PDE10A: variants seen among roughly 807,000 people sequenced by gnomAD.
The protein encoded by PDE10A is phosphodiesterase 10A.
In PDE10A, 39 loss-of-function variants were observed where a neutral mutation model predicts 97.7. The observed-to-expected ratio is 0.40, with a 90% CI of 0.31 to 0.52. The LOEUF is 0.52. Among genes scored for constraint, PDE10A ranks in the 20% least tolerant of loss-of-function variants. The pLI is 0.56. For synonymous variants in PDE10A, 371 were observed against 376.8 expected, an observed-to-expected ratio of 0.98 and a Z score of 0.18; for missense variants, 731 against 1,047.8, an observed-to-expected ratio of 0.70 and a Z score of 4.17.
intron 19 of PDE10A, among the ~76,000 whole-genome samples, chr6:165,341,301 C>T (rs1781953921): frequency 6.6e-6 from 1 of 152,148 alleles, no homozygotes; most frequent in East Asian, 1.9e-4. Flanking sequence ...AAAGGAAAAA[C>T]ATCTCCATTA....
At chr6:165,689,247 C>T (rs1007149199) in intron 1 of PDE10A, among the ~76,000 whole-genome samples, 1 of 152,178 alleles carries the variant, frequency 6.6e-6, no homozygotes, top group African/African-American at 2.4e-5. Flanking sequence ...GTGGATAAAA[C>T]GACACTAACT....
At chr6:165,559,792 G>C (rs1024648302) in intron 1 of PDE10A, among the ~76,000 whole-genome samples, 2 of 152,138 alleles carry the variant, frequency 1.3e-5, no homozygotes, top group Non-Finnish European at 2.9e-5. Context: ...TACTGTTCTC[G>C]TGGTAGTGAC....
chr6:165,775,109 C>T (rs1025529753), intron 1 of PDE10A: 2 of 152,114 alleles, frequency 1.3e-5, no homozygotes, highest in African/African-American at 2.4e-5. Flanking sequence ...CAATCTGCTC[C>T]GTCCAAGTGC....
At chr6:165,413,359 A>G (rs1162933415) in intron 13 of PDE10A, 142 bp downstream of exon 13, 3 of 582,266 alleles carry the variant, frequency 5.2e-6, no homozygotes, top group African/African-American at 1.9e-5. Flanking sequence ...TTTCTAAAAC[A>G]TGTACAATCA....
chr6:165,963,404 G>A (rs953300400), intron 1 of PDE10A, among the ~76,000 whole-genome samples: 1 of 152,196 alleles, frequency 6.6e-6, no homozygotes, highest in Non-Finnish European at 1.5e-5. Context: ...CTTTACAGGA[G>A]ATGAGCTGAT....
At chr6:165,578,272 T>C (rs200492649) in intron 1 of PDE10A, among the ~76,000 whole-genome samples, 5 of 132,500 alleles carry the variant, frequency 3.8e-5, no homozygotes, top group African/African-American at 1.1e-4. Context: ...TTTTTTTTTT[T>C]CCCCATGACA....
chr6:165,959,722 C>T (rs1373356381), intron 1 of PDE10A, among the ~76,000 whole-genome samples: 3 of 152,084 alleles, frequency 2.0e-5, no homozygotes, highest in Non-Finnish European at 2.9e-5. Flanking sequence ...GGTGAGACCT[C>T]CCGAGTAGGG....
chr6:165,540,125 A>C (rs188034644), intron 2 of PDE10A, among the ~76,000 whole-genome samples: 1,752 of 152,240 alleles, frequency 0.012, 31 homozygotes, highest in African/African-American at 0.04. Flanking sequence ...GAGGAATACA[A>C]AATTTACTAT....
At chr6:165,384,486 G>A (rs1005839894) in intron 17 of PDE10A, among the ~76,000 whole-genome samples, 10 of 152,138 alleles carry the variant, frequency 6.6e-5, no homozygotes, top group African/African-American at 2.2e-4. Flanking sequence ...CTTACTTCAT[G>A]ACTTAATCTC....
chr6:165,739,623 C>CA (rs146004600), intron 1 of PDE10A, among the ~76,000 whole-genome samples: 8,966 of 148,842 alleles, frequency 0.06, 486 homozygotes, highest in Admixed American at 0.17. Context: ...GGCAACAAAA[C>CA]AAAAAAAAGT....
Position 165,542,612 on chromosome 6 carries a change from C to CTTTTTTTTTTTTTT in PDE10A, c.994+814_994+827dup, listed in dbSNP as rs545149187. On this transcript the variant is annotated intron_variant, in intron 2 of 21. Coordinates refer to ENST00000539869, the MANE Select transcript of PDE10A (RefSeq NM_001385079.1). The stretch of plus-strand genomic sequence containing the variant: ...TTTAGGTCAAAAAGATGTCCTTGTT[C>CTTTTTTTTTTTTTT]TTTTTTTTTTTTTTTTTTTTTTTTT... 6.0e-4 allele frequency among the ~76,000 whole-genome samples: 46 copies of CTTTTTTTTTTTTTT among 76,454 alleles called. 1 individual carries two copies. Among genetic ancestry groups the CTTTTTTTTTTTTTT allele is most frequent in the African/African-American group, 1.7e-3 (36 of 21,802 alleles). 50.2% of individuals were successfully genotyped at this position (76,454 alleles called of 152,430 possible).
chr6:165,681,125 G>C (rs757320528), intron 1 of PDE10A, among the ~76,000 whole-genome samples: 1 of 152,146 alleles, frequency 6.6e-6, no homozygotes, highest in Non-Finnish European at 1.5e-5. Flanking sequence ...CAATCTTCCT[G>C]TTTGATGGCA....
intron 10 of PDE10A, among the ~76,000 whole-genome samples, chr6:165,420,479 C>T (rs1342788625): frequency 1.3e-5 from 2 of 152,126 alleles, no homozygotes; most frequent in Non-Finnish European, 2.9e-5. Flanking sequence ...TTGGCAAATA[C>T]AGAAGAATCA....
intron 1 of PDE10A, among the ~76,000 whole-genome samples, chr6:165,735,228 T>C (rs191878694): frequency 1.3e-5 from 2 of 151,168 alleles, no homozygotes; most frequent in East Asian, 3.9e-4. Context: ...GATGAGTAGA[T>C]AGACAGGTGG....
intron 1 of PDE10A, among the ~76,000 whole-genome samples, chr6:165,952,651 TC>T (rs1216266942): frequency 6.6e-6 from 1 of 152,050 alleles, no homozygotes; most frequent in East Asian, 1.9e-4. Context: ...CCTCTTCAAC[TC>T]CCCGCCTGGG....
intron 3 of PDE10A, among the ~76,000 whole-genome samples, chr6:165,452,814 A>G (rs1405166618): frequency 1.3e-5 from 2 of 151,968 alleles, no homozygotes; most frequent in African/African-American, 4.8e-5. Context: ...GGAAATGAGT[A>G]GAGGACAAAA....
Position 165,655,155 on chromosome 6 carries a change from C to T in PDE10A, c.865+6792G>A, listed in dbSNP as rs958174590. On this transcript the variant is annotated intron_variant, in intron 1 of 21. Coordinates refer to ENST00000539869, the MANE Select transcript of PDE10A (RefSeq NM_001385079.1). The surrounding 1 kb of genome is among the most constrained non-coding windows in gnomAD (Gnocchi z 4.5). ...GCTATGGTTGATTAACCAACTCCGTCTGTATTTCCCTCAGAGTCAAAATGT... is the reference window on the plus strand; with the variant it reads ...GCTATGGTTGATTAACCAACTCCGTTTGTATTTCCCTCAGAGTCAAAATGT... Among the ~76,000 whole-genome samples, 18 of 152,014 alleles carry T rather than the reference C, an allele frequency of 1.2e-4. No individual in the cohort carries two copies. The highest frequency in any genetic ancestry group is 4.1e-4 in the African/African-American group (17 of 41,352).
chr6:165,612,959 A>G (rs1273647540), intron 1 of PDE10A, among the ~76,000 whole-genome samples: 1 of 152,252 alleles, frequency 6.6e-6, no homozygotes, highest in African/African-American at 2.4e-5. Flanking sequence ...GCAGTCAGAA[A>G]CAATGTTTAT....
At chr6:165,493,148 A>T (rs1780323918) in intron 2 of PDE10A, among the ~76,000 whole-genome samples, 1 of 152,178 alleles carries the variant, frequency 6.6e-6, no homozygotes, top group Non-Finnish European at 1.5e-5. Context: ...AGACTGCTAC[A>T]CAGAAAACTA....
Sources: gnomAD v4.1 joint callset for allele counts (sites outside exome capture counted in the v4.1 genomes callset) on GRCh38, gnomAD v4.1.1 for gene constraint, Gnocchi (gnomAD v3.1) non-coding constraint, MANE v1.5 for transcripts, NCBI Gene and HGNC (gene_info 2026-07-23, HGNC 2026-07-21) for gene names.